Variants in CAST observed in about 807,000 individuals in gnomAD.
The protein encoded by CAST is calpastatin.
Under a neutral mutation model 119.6 loss-of-function variants are expected in CAST, and 76 were observed. That is an observed-to-expected ratio of 0.64 (90% CI 0.53 to 0.77). The LOEUF (loss-of-function observed/expected upper bound fraction) is 0.77, where lower values mean the gene tolerates loss of function less well. Among genes scored for constraint, CAST ranks in the 30% least tolerant of loss-of-function variants. The probability of loss-of-function intolerance (pLI) is 0.00; values close to 1 mark genes in which losing one functional copy is unlikely to be tolerated. For missense variants in CAST, 953 were observed against 946.5 expected (o/e 1.01, Z -0.09); for synonymous variants, 319 against 331.6 (o/e 0.96, Z 0.41).
chr5:96,139,306 C>T, the CAST span, among the ~76,000 whole-genome samples: 3 of 151,646 alleles, frequency 2.0e-5, no homozygotes, highest in Non-Finnish European at 2.9e-5. Flanking sequence ...CCCTTTATTT[C>T]TCTCTCCAAT....
At chr5:96,465,072 G>A in the CAST span, among the ~76,000 whole-genome samples, 2 of 151,828 alleles carry the variant, frequency 1.3e-5, no homozygotes, top group African/African-American at 4.8e-5. Context: ...ATTTATTTAG[G>A]TCTGTTTTTC....
At chr5:96,466,465 C>T in the CAST span, among the ~76,000 whole-genome samples, 20,937 of 152,080 alleles carry the variant, frequency 0.14, 1,471 homozygotes, top group Middle Eastern at 0.15. Context: ...CACTAGTCAC[C>T]TTCTGCCCTG....
intron 1 of CAST, among the ~76,000 whole-genome samples, chr5:96,592,421 C>T (rs2150191977): frequency 6.6e-6 from 1 of 152,194 alleles, no homozygotes; most frequent in South Asian, 2.1e-4. Context: ...GGGGAAAACC[C>T]AGCTATAGCA....
the CAST span, among the ~76,000 whole-genome samples, chr5:96,362,100 T>TG: frequency 6.6e-6 from 1 of 152,062 alleles, no homozygotes; most frequent in Non-Finnish European, 1.5e-5. Context: ...TTTCTGTCCT[T>TG]GCGATAGTTT....
At chr5:96,011,096 T>G in the CAST span, among the ~76,000 whole-genome samples, 1 of 152,240 alleles carries the variant, frequency 6.6e-6, no homozygotes, top group African/African-American at 2.4e-5. Context: ...CTTTTATTTC[T>G]TTCTCTGGCC....
chr5:96,510,592 A>G, the CAST span, among the ~76,000 whole-genome samples: 2 of 152,246 alleles, frequency 1.3e-5, no homozygotes, highest in Admixed American at 6.5e-5. Context: ...AACAAAATGC[A>G]GTATGTGGAT....
intron 4 of CAST, among the ~76,000 whole-genome samples, chr5:96,725,220 C>A (rs923588003): frequency 1.3e-5 from 2 of 152,320 alleles, no homozygotes; most frequent in Admixed American, 1.3e-4. Context: ...GAACCTGGTT[C>A]CATATCAGCT....
chr5:96,129,090 T>C, the CAST span, among the ~76,000 whole-genome samples: 29 of 152,092 alleles, frequency 1.9e-4, no homozygotes, highest in Admixed American at 1.8e-3. Flanking sequence ...ATAGAGACCA[T>C]GTCCATTTTG....
intron 1 of CAST, among the ~76,000 whole-genome samples, chr5:96,608,504 G>A (rs922587435): frequency 1.3e-5 from 2 of 151,850 alleles, no homozygotes; most frequent in African/African-American, 4.8e-5. Context: ...AAATTGAATT[G>A]CTTACATTAA....
At chr5:96,600,068 G>A (rs1205052452) in intron 1 of CAST, among the ~76,000 whole-genome samples, 2 of 151,856 alleles carry the variant, frequency 1.3e-5, no homozygotes, top group South Asian at 2.1e-4. Flanking sequence ...CAACTTTCAG[G>A]AGGGAAGTGT....
At chr5:96,771,237 A>G (rs1373997078) in intron 30 of CAST, among the ~76,000 whole-genome samples, 1 of 152,190 alleles carries the variant, frequency 6.6e-6, no homozygotes, top group Non-Finnish European at 1.5e-5. Context: ...AGTTATACGA[A>G]GTACTTAATC....
At chr5:96,710,415 G>C (rs1321054544) in intron 3 of CAST, among the ~76,000 whole-genome samples, 1 of 152,112 alleles carries the variant, frequency 6.6e-6, no homozygotes, top group East Asian at 1.9e-4. Flanking sequence ...TTACGTGAGA[G>C]GCTTACAGCT....
chr5:96,450,538 C>T, the CAST span, among the ~76,000 whole-genome samples: 4 of 152,144 alleles, frequency 2.6e-5, no homozygotes, highest in African/African-American at 9.7e-5. Flanking sequence ...GACTTCACTA[C>T]CAGGCAATAT....
chr5:96,299,278 AC>A, the CAST span, among the ~76,000 whole-genome samples: 4 of 149,840 alleles, frequency 2.7e-5, no homozygotes, highest in Non-Finnish European at 4.4e-5. Context: ...AACAACAACA[AC>A]AACAACAACA....
At chr5:96,486,817 A>G in the CAST span, among the ~76,000 whole-genome samples, 1 of 152,162 alleles carries the variant, frequency 6.6e-6, no homozygotes, top group African/African-American at 2.4e-5. Context: ...CCTGATCCCC[A>G]GGTAGCCTCC....
At chr5:96,350,227 G>C in the CAST span, among the ~76,000 whole-genome samples, 4 of 152,138 alleles carry the variant, frequency 2.6e-5, no homozygotes, top group African/African-American at 7.2e-5. Flanking sequence ...GAAATAAATT[G>C]TTAGAAGGTG....
the CAST span, among the ~76,000 whole-genome samples, chr5:95,995,682 G>A: frequency 6.6e-6 from 1 of 152,050 alleles, no homozygotes; most frequent in African/African-American, 2.4e-5. Context: ...ACTTATTGTT[G>A]TCAGGGTCCA....
chr5:96,745,688 T>C (rs975792572), intron 16 of CAST, among the ~76,000 whole-genome samples: 3 of 152,250 alleles, frequency 2.0e-5, no homozygotes, highest in Admixed American at 6.5e-5. Flanking sequence ...ACTATAGAAC[T>C]ATGCTTTTAT....
the CAST span, among the ~76,000 whole-genome samples, chr5:96,483,036 A>G: frequency 1.3e-5 from 2 of 152,152 alleles, no homozygotes; most frequent in Non-Finnish European, 2.9e-5. Flanking sequence ...CAAGATAATA[A>G]GTTTTCTATA....
Sources: gnomAD v4.1 joint callset for allele counts (sites outside exome capture counted in the v4.1 genomes callset) on GRCh38, gnomAD v4.1.1 for gene constraint, MANE v1.5 for transcripts, NCBI Gene and HGNC (gene_info 2026-07-23, HGNC 2026-07-21) for gene names.